The following SRGAP3 variants were observed in gnomAD, a reference collection of about 807,000 sequenced individuals.
SRGAP3 encodes SLIT-ROBO Rho GTPase-activating protein 3.
A neutral mutation model predicts 121.1 loss-of-function variants in SRGAP3; 39 were observed. The ratio of observed to expected loss-of-function variants is 0.32; its 90% CI spans 0.25 to 0.42. The LOEUF is 0.42. Ranked by LOEUF, SRGAP3 falls within the 10% of genes least tolerant of loss-of-function variation. The pLI is 1.00. For missense variants in SRGAP3, 1,213 were observed against 1,470.6 expected (o/e 0.82, Z 2.86); for synonymous variants, 601 against 570.0 (o/e 1.05, Z -0.77).
At chr3:9,296,791 C>T (rs1056656130) in intron 3 of SRGAP3, among the ~76,000 whole-genome samples, 5 of 152,248 alleles carry the variant, frequency 3.3e-5, no homozygotes, top group Admixed American at 3.3e-4. Flanking sequence ...GCCTAGCACA[C>T]AGCACACATC....
At chr3:9,165,337 G>T (rs1950749405) in intron 1 of SRGAP3, among the ~76,000 whole-genome samples, 1 of 152,184 alleles carries the variant, frequency 6.6e-6, no homozygotes, top group African/African-American at 2.4e-5. Flanking sequence ...CTCATGTCCT[G>T]CTCTGGAGAG....
At chr3:9,285,456 T>G (rs1214237841) in intron 3 of SRGAP3, among the ~76,000 whole-genome samples, 1 of 151,800 alleles carries the variant, frequency 6.6e-6, no homozygotes, top group Non-Finnish European at 1.5e-5. Context: ...AGACTCATAT[T>G]TGAGAGGTAT....
chr3:9,171,385 C>T (rs1335009223), intron 1 of SRGAP3, among the ~76,000 whole-genome samples: 1 of 152,242 alleles, frequency 6.6e-6, no homozygotes, highest in Non-Finnish European at 1.5e-5. Context: ...CATCTGTGCG[C>T]CTCAGTTCTC....
At chr3:9,042,937 T>G (rs1945090298) in intron 10 of SRGAP3, among the ~76,000 whole-genome samples, 1 of 152,052 alleles carries the variant, frequency 6.6e-6, no homozygotes, top group Non-Finnish European at 1.5e-5. Flanking sequence ...TTTGCAAATG[T>G]TGTCCCCTCT....
intron 3 of SRGAP3, among the ~76,000 whole-genome samples, chr3:9,266,375 T>TA (rs1017435427): frequency 0.01 from 1,489 of 145,774 alleles, 18 homozygotes; most frequent in African/African-American, 0.019. Flanking sequence ...GTATAATAAT[T>TA]AAAAAAAAAA....
At chr3:9,332,964 C>G (rs4053784) in intron 1 of SRGAP3, among the ~76,000 whole-genome samples, 37,014 of 152,060 alleles carry the variant, frequency 0.24, 4,703 homozygotes, top group Middle Eastern at 0.28. Context: ...CCCACTATAC[C>G]AAGAGATGTT....
intron 1 of SRGAP3, among the ~76,000 whole-genome samples, chr3:9,148,509 T>C (rs1318214909): frequency 1.3e-5 from 2 of 152,238 alleles, no homozygotes; most frequent in African/African-American, 4.8e-5. Context: ...ACTTGTCAAA[T>C]AGCTACTTTG....
intron 4 of SRGAP3, among the ~76,000 whole-genome samples, chr3:9,079,322 CCA>C (rs1351124596): frequency 1.3e-5 from 2 of 152,164 alleles, no homozygotes; most frequent in African/African-American, 4.8e-5. Context: ...CATGGGGTCC[CCA>C]CATTCCTCTT....
chr3:9,195,966 A>T (rs1951904003), intron 1 of SRGAP3, among the ~76,000 whole-genome samples: 1 of 152,136 alleles, frequency 6.6e-6, no homozygotes, highest in African/African-American at 2.4e-5. Context: ...CAAAAAAAAC[A>T]ACAAAAAAGA....
intron 1 of SRGAP3, among the ~76,000 whole-genome samples, chr3:9,125,242 T>C (rs1949179205): frequency 6.6e-6 from 1 of 152,214 alleles, no homozygotes; most frequent in Admixed American, 6.5e-5. Flanking sequence ...TCACCTTTCT[T>C]ACGGAGATGA....
Position 9,311,108 on chromosome 3 carries a change from T to A in SRGAP3, n.442+14902A>T, listed in dbSNP as rs541954035. 2.0e-5 allele frequency among the ~76,000 whole-genome samples: 3 copies of A among 150,952 alleles called. No homozygotes were observed. In the East Asian group the frequency reaches 5.8e-4, roughly 29 times the overall value. On this transcript the variant is annotated intron_variant and non_coding_transcript_variant, in intron 3 of 3. Transcript: ENST00000490889. ...TCTCTTGAACCCAGGAGGTGGAGGTTGCAGTGAGCCCAGGTTGCGTCACTG... is the reference window on the plus strand; with the variant it reads ...TCTCTTGAACCCAGGAGGTGGAGGTAGCAGTGAGCCCAGGTTGCGTCACTG...
At chr3:9,148,026 G>C (rs1950082931) in intron 1 of SRGAP3, among the ~76,000 whole-genome samples, 1 of 152,170 alleles carries the variant, frequency 6.6e-6, no homozygotes, top group Non-Finnish European at 1.5e-5. Context: ...CTGTTTTGTT[G>C]GTTTTCTTCC....
At chr3:9,251,249 T>G (rs968407520), upstream of SRGAP3, among the ~76,000 whole-genome samples, 12 of 152,160 alleles carry the variant, frequency 7.9e-5, no homozygotes, top group Non-Finnish European at 1.6e-4. Flanking sequence ...GAAGTCCAAC[T>G]GGTGAATCAT....
At chr3:9,349,243 G>A (rs1304300812) in intron 1 of SRGAP3, 7 of 577,060 alleles carry the variant, frequency 1.2e-5, no homozygotes, top group African/African-American at 5.5e-5. Context: ...TGCCCATCGC[G>A]TCCCCCTGCC....
At chr3:9,340,093 T>C (rs1955758359) in intron 1 of SRGAP3, among the ~76,000 whole-genome samples, 1 of 152,076 alleles carries the variant, frequency 6.6e-6, no homozygotes, top group African/African-American at 2.4e-5. Flanking sequence ...ATTGTGCTGA[T>C]TGGATTTAAA....
chr3:9,237,213 C>T (rs1953446335), intron 1 of SRGAP3, among the ~76,000 whole-genome samples: 1 of 152,188 alleles, frequency 6.6e-6, no homozygotes, highest in South Asian at 2.1e-4. Context: ...ATTCGTTCAA[C>T]AAAAATTGTG....
intron 1 of SRGAP3, among the ~76,000 whole-genome samples, chr3:9,354,034 T>C (rs1222307262): frequency 6.6e-6 from 1 of 152,162 alleles, no homozygotes; most frequent in African/African-American, 2.4e-5. Context: ...AACAAGAAGA[T>C]GTTTAATACT....
chr3:9,362,911 CTCCGCTTTCAGCT>C (rs906513298), exon 1 of SRGAP3: 3 of 152,268 alleles, frequency 2.0e-5, no homozygotes, highest in African/African-American at 7.2e-5. Context: ...GCCCCTGACT[CTCCGCTTTCAGCT>C]TACTGAAGAT....
intron 3 of SRGAP3, among the ~76,000 whole-genome samples, chr3:9,267,666 G>A (rs1252263020): frequency 2.6e-5 from 4 of 152,148 alleles, no homozygotes; most frequent in Admixed American, 1.3e-4. Flanking sequence ...TGCCAGTCAC[G>A]TAGTCTCAGA....
Sources: allele counts gnomAD v4.1 joint callset (sites outside exome capture counted in the v4.1 genomes callset), GRCh38; gene constraint gnomAD v4.1.1; transcripts MANE v1.5; gene names NCBI Gene and HGNC (gene_info 2026-07-23, HGNC 2026-07-21).